The following PID1 variants were observed in gnomAD, a reference collection of about 807,000 sequenced individuals.
PID1 encodes the protein phosphotyrosine interaction domain containing 1.
Under a neutral mutation model 19.1 loss-of-function variants are expected in PID1, and 10 were observed. That is an observed-to-expected ratio of 0.52 (90% CI 0.32 to 0.89). The LOEUF (loss-of-function observed/expected upper bound fraction) is 0.89. PID1 is among the 40% of genes least tolerant of loss of function. PID1 has a pLI of 0.03. For synonymous variants in PID1, 130 were observed against 116.0 expected, an observed-to-expected ratio of 1.12 and a Z score of -0.78; for missense variants, 248 against 285.3, an observed-to-expected ratio of 0.87 and a Z score of 0.94.
intron 1 of PID1, among the ~76,000 whole-genome samples, chr2:229,213,801 T>C (rs529689367): frequency 6.6e-6 from 1 of 152,348 alleles, no homozygotes; most frequent in African/African-American, 2.4e-5. Flanking sequence ...TCATACAATA[T>C]GTTGTCTTCA....
Position 229,104,155 on chromosome 2 carries a change from C to T in PID1, c.177+51663G>A, listed in dbSNP as rs181446240. On this transcript the variant is annotated intron_variant, in intron 2 of 2. Transcript: ENST00000392055. ...CAAGTCGGTCTCGGTTTATAACAAGCGAAGCAAGGAAATTCACATGGCCTG... is the reference window on the plus strand; with the variant it reads ...CAAGTCGGTCTCGGTTTATAACAAGTGAAGCAAGGAAATTCACATGGCCTG... Among the ~76,000 whole-genome samples, 11 of 152,224 alleles carry T rather than the reference C, an allele frequency of 7.2e-5. No homozygotes were observed. In the East Asian group the frequency reaches 1.2e-3, roughly 16 times the overall value.
At chr2:229,102,460 T>C (rs752067921) in intron 2 of PID1, among the ~76,000 whole-genome samples, 26 of 152,198 alleles carry the variant, frequency 1.7e-4, no homozygotes, top group Non-Finnish European at 2.6e-4. Flanking sequence ...GGAAGAACCA[T>C]GTGGGCCCAC....
At chr2:229,128,715 T>C (rs979457029) in intron 2 of PID1, among the ~76,000 whole-genome samples, 19 of 152,224 alleles carry the variant, frequency 1.2e-4, no homozygotes, top group Non-Finnish European at 2.5e-4. Flanking sequence ...AGGGCATTTA[T>C]GTTCATTTTC....
At chr2:229,139,095 GAAAGAAAGAAAGAAAGAA>G (rs1689942938) in intron 2 of PID1, among the ~76,000 whole-genome samples, 3 of 73,028 alleles carry the variant, frequency 4.1e-5, no homozygotes, top group African/African-American at 2.0e-4. Flanking sequence ...AAGAAAGAAA[GAAAGAAAGAAAGAAAGAA>G]AGAGAAAGAA....
intron 2 of PID1, among the ~76,000 whole-genome samples, chr2:229,136,937 A>G (rs1229266827): frequency 6.6e-6 from 1 of 152,240 alleles, no homozygotes; most frequent in Non-Finnish European, 1.5e-5. Flanking sequence ...GAAATGAGCC[A>G]TAAACTAAAG....
At chr2:229,252,338 C>G (rs1261482226) in intron 1 of PID1, among the ~76,000 whole-genome samples, 1 of 152,168 alleles carries the variant, frequency 6.6e-6, no homozygotes, top group Non-Finnish European at 1.5e-5. Context: ...GCAATTCCAC[C>G]TTACTTGCAA....
chr2:229,035,222 G>A (rs187786012), intron 2 of PID1, among the ~76,000 whole-genome samples: 2,084 of 152,246 alleles, frequency 0.014, 23 homozygotes, highest in South Asian at 0.022. Flanking sequence ...CCTTCATAAT[G>A]TAGGTAGGTC....
intron 2 of PID1, among the ~76,000 whole-genome samples, chr2:229,145,155 G>GTGTATATATATA (rs1391018424): frequency 4.3e-4 from 52 of 119,934 alleles, no homozygotes; most frequent in African/African-American, 1.6e-3. Flanking sequence ...ATATGTATGT[G>GTGTATATATATA]TATATATATA....
At chr2:229,227,431 C>T (rs1233048013) in intron 1 of PID1, among the ~76,000 whole-genome samples, 1 of 152,190 alleles carries the variant, frequency 6.6e-6, no homozygotes, top group African/African-American at 2.4e-5. Context: ...TGCATCTCAA[C>T]TATTTCCAGT....
chr2:229,060,976 G>A (rs938135796), intron 2 of PID1, among the ~76,000 whole-genome samples: 4 of 151,826 alleles, frequency 2.6e-5, no homozygotes, highest in African/African-American at 9.7e-5. Context: ...TCTTGTTATT[G>A]GGTTGTTTGA....
intron 2 of PID1, among the ~76,000 whole-genome samples, chr2:229,086,037 C>T (rs1335141976): frequency 1.3e-5 from 2 of 151,948 alleles, no homozygotes; most frequent in African/African-American, 4.8e-5. Context: ...TTTTGCGCTG[C>T]CTAATTATAT....
chr2:229,192,908 C>T (rs555818712), intron 1 of PID1, among the ~76,000 whole-genome samples: 2 of 152,232 alleles, frequency 1.3e-5, no homozygotes, highest in Admixed American at 6.5e-5. Context: ...GGAACAATAC[C>T]GGAACATAAA....
At chr2:229,209,967 C>T (rs2106248210) in intron 1 of PID1, among the ~76,000 whole-genome samples, 1 of 152,194 alleles carries the variant, frequency 6.6e-6, no homozygotes, top group African/African-American at 2.4e-5. Flanking sequence ...AATGAACATA[C>T]ATGTTGAAAA....
chr2:229,127,540 G>A (rs758416571), intron 2 of PID1, among the ~76,000 whole-genome samples: 24 of 152,144 alleles, frequency 1.6e-4, no homozygotes, highest in Non-Finnish European at 2.8e-4. Flanking sequence ...GCCTGAAGGG[G>A]TGCTTTTTCT....
intron 2 of PID1, among the ~76,000 whole-genome samples, chr2:229,040,121 A>G (rs1054506317): frequency 6.9e-5 from 5 of 72,178 alleles, no homozygotes; most frequent in Non-Finnish European, 1.2e-4. Flanking sequence ...TGTTATGTGG[A>G]AAAAAAAAAA....
chr2:229,062,155 T>G (rs1439300299), intron 2 of PID1, among the ~76,000 whole-genome samples: 2 of 151,990 alleles, frequency 1.3e-5, no homozygotes, highest in Non-Finnish European at 2.9e-5. Context: ...GTGGCCATCA[T>G]TGTTTTATTT....
chr2:229,189,564 G>T (rs560073455), intron 1 of PID1, among the ~76,000 whole-genome samples: 7 of 152,298 alleles, frequency 4.6e-5, no homozygotes, highest in Admixed American at 4.6e-4. Context: ...GGGCATAGTA[G>T]CAGACGCCTG....
At chr2:229,223,312 TATTA>T (rs1692012507) in intron 1 of PID1, among the ~76,000 whole-genome samples, 1 of 152,204 alleles carries the variant, frequency 6.6e-6, no homozygotes, top group Non-Finnish European at 1.5e-5. Context: ...TTTCTTTTAT[TATTA>T]ATAAGCTTAA....
intron 1 of PID1, among the ~76,000 whole-genome samples, chr2:229,196,051 TAAA>T: frequency 6.6e-6 from 1 of 152,074 alleles, no homozygotes; most frequent in Admixed American, 6.6e-5. Flanking sequence ...GAGGTGAATA[TAAA>T]GAGTTACTAA....
Sources: gnomAD v4.1 joint callset for allele counts (sites outside exome capture counted in the v4.1 genomes callset) on GRCh38, gnomAD v4.1.1 for gene constraint, MANE v1.5 for transcripts, NCBI Gene and HGNC (gene_info 2026-07-23, HGNC 2026-07-21) for gene names.